The following HUNK variants were observed in gnomAD, a reference collection of about 807,000 sequenced individuals.
HUNK encodes the protein hormonally up-regulated Neu-associated kinase.
A neutral mutation model predicts 61.0 loss-of-function variants in HUNK; 21 were observed. That is an observed-to-expected ratio of 0.34 (90% CI 0.24 to 0.50). HUNK has a LOEUF of 0.50. Ranked by LOEUF, HUNK falls within the 20% of genes least tolerant of loss-of-function variation. The pLI, the probability that HUNK is intolerant of heterozygous loss-of-function variation, is 0.98. For missense variants in HUNK, 772 were observed against 945.7 expected (o/e 0.82, Z 2.41); for synonymous variants, 371 against 386.1 (o/e 0.96, Z 0.46).
intron 3 of HUNK, among the ~76,000 whole-genome samples, chr21:31,942,092 C>A (rs1290615960): frequency 6.6e-6 from 1 of 152,200 alleles, no homozygotes; most frequent in East Asian, 1.9e-4. Context: ...CGCCTATAAT[C>A]CCAGCTACTC....
intron 5 of HUNK, among the ~76,000 whole-genome samples, chr21:31,965,326 G>C (rs1008572080): frequency 6.4e-5 from 9 of 140,194 alleles, no homozygotes; most frequent in African/African-American, 2.4e-4. Context: ...AGAGAGAGGA[G>C]CAAAAAAAAA....
intron 1 of HUNK, among the ~76,000 whole-genome samples, chr21:31,906,006 T>C (rs1198093718): frequency 1.3e-5 from 2 of 151,992 alleles, no homozygotes; most frequent in Non-Finnish European, 2.9e-5. Context: ...TTCCTGGAGC[T>C]GCTGTGTCTC....
At chr21:31,943,111 A>G (rs558227047) in intron 3 of HUNK, among the ~76,000 whole-genome samples, 1 of 152,084 alleles carries the variant, frequency 6.6e-6, no homozygotes, top group African/African-American at 2.4e-5. Context: ...AAAGGTGATT[A>G]TAGCTATTAT....
intron 5 of HUNK, among the ~76,000 whole-genome samples, chr21:31,960,186 C>A (rs1294036575): frequency 6.6e-6 from 1 of 152,176 alleles, no homozygotes; most frequent in Non-Finnish European, 1.5e-5. Flanking sequence ...ATGTGTTGTG[C>A]ACCAATTATG....
chr21:31,898,560 C>G (rs116746869), intron 1 of HUNK, among the ~76,000 whole-genome samples: 4,371 of 152,272 alleles, frequency 0.029, 200 homozygotes, highest in African/African-American at 0.099. Context: ...AGCCACCACG[C>G]CCGGCCGTGG....
chr21:31,891,371 T>A (rs1226074951), intron 1 of HUNK, among the ~76,000 whole-genome samples: 1 of 152,210 alleles, frequency 6.6e-6, no homozygotes, highest in Non-Finnish European at 1.5e-5. Flanking sequence ...AGTGAGACTG[T>A]GTCTCAAACA....
In HUNK at chr21:32,001,550, C is replaced by T. The variant is rs2053246085; in HGVS notation, c.*2366C>T. On this transcript the variant is annotated 3_prime_UTR_variant, in exon 11 of 11. Transcript: ENST00000270112. Reference sequence around the variant, plus strand: ...GCTTCAAGAACAGCTGCACATGTGCCGCTAACTGACCGCGTTGCCATTGGC... The same window carrying T: ...GCTTCAAGAACAGCTGCACATGTGCTGCTAACTGACCGCGTTGCCATTGGC... 2 of 152,436 alleles carry T rather than the reference C, an allele frequency of 1.3e-5. No individual in the cohort carries two copies. The highest frequency in any genetic ancestry group is 2.4e-5 in the African/African-American group (1 of 41,348). The allele number at this position is 152,436 out of a possible 1,614,324, so 9.4% of individuals were successfully genotyped here. A position where few individuals can be genotyped will look rare whatever the true frequency, so the allele number is the denominator to read the frequency against.
At chr21:31,970,064 CAAG>C (rs1339490177) in intron 6 of HUNK, among the ~76,000 whole-genome samples, 3 of 152,046 alleles carry the variant, frequency 2.0e-5, no homozygotes, top group Non-Finnish European at 4.4e-5. Context: ...TGGATGAAGA[CAAG>C]AGAACCACTG....
intron 2 of HUNK, among the ~76,000 whole-genome samples, chr21:31,926,464 G>A (rs1049511034): frequency 2.2e-4 from 17 of 77,012 alleles, no homozygotes; most frequent in African/African-American, 2.0e-4. Flanking sequence ...ATTACCCCCC[G>A]CAAAAGAAAC....
chr21:31,878,275 AAAAG>A (rs1568914274), intron 1 of HUNK, among the ~76,000 whole-genome samples: 1 of 151,124 alleles, frequency 6.6e-6, no homozygotes, highest in African/African-American at 2.5e-5. Flanking sequence ...AAAAAAAAAA[AAAAG>A]AGTTTAAGAT....
chr21:31,943,885 T>C (rs1183575164), intron 3 of HUNK, among the ~76,000 whole-genome samples: 2 of 152,232 alleles, frequency 1.3e-5, no homozygotes, highest in Non-Finnish European at 2.9e-5. Flanking sequence ...CTCAGAAGTT[T>C]AGAGATAACA....
At chr21:31,995,621 G>C (rs1251004038) in intron 9 of HUNK, 147 bp from the exon 10 acceptor site, 5 of 706,174 alleles carry the variant, frequency 7.1e-6, no homozygotes, top group Non-Finnish European at 1.2e-5. Flanking sequence ...CTGGGCCACA[G>C]CTCCTCCCTC....
At chr21:31,876,580 C>T (rs140036928) in intron 1 of HUNK, among the ~76,000 whole-genome samples, 6 of 152,258 alleles carry the variant, frequency 3.9e-5, no homozygotes, top group Admixed American at 3.3e-4. Context: ...ATGACCACAG[C>T]CTCAGGCTAT....
At chr21:31,963,938 C>T (rs2052946112) in intron 5 of HUNK, among the ~76,000 whole-genome samples, 1 of 152,190 alleles carries the variant, frequency 6.6e-6, no homozygotes, top group Non-Finnish European at 1.5e-5. Context: ...CAAAGAACTG[C>T]CCTTCATTCA....
At chr21:31,983,144 T>G (rs1180336399) in intron 7 of HUNK, among the ~76,000 whole-genome samples, 1 of 152,220 alleles carries the variant, frequency 6.6e-6, no homozygotes, top group Non-Finnish European at 1.5e-5. Context: ...AGATCTATGT[T>G]CTATGCAGTG....
At position 31,950,908 on chromosome 21, in the gene HUNK, T is replaced by C. The variant is rs75194813; in HGVS notation, c.746+4737T>C. On this transcript the variant is annotated intron_variant, in intron 4 of 10. Transcript: ENST00000270112. Reference sequence around the variant, plus strand: ...CCCTGGAGGCTTTGGACCTGATGGATGGCAGAGACTTTATCCACAACTTCT... The same window carrying C: ...CCCTGGAGGCTTTGGACCTGATGGACGGCAGAGACTTTATCCACAACTTCT... Among the ~76,000 whole-genome samples, 598 of 152,220 alleles carry C rather than the reference T, an allele frequency of 3.9e-3. 23 individuals carry two copies. The East Asian group carries it at 0.091, about 23-fold the overall frequency.
chr21:32,003,739 TG>T lies in HUNK; in HGVS notation c.*4557del, dbSNP rs2053260533. 6.6e-6 allele frequency: 1 copy of T among 152,206 alleles called. No individual in the cohort carries two copies. The highest frequency in any genetic ancestry group is 1.5e-5 in the Non-Finnish European group (1 of 68,036). 9.4% of individuals were successfully genotyped at this position (152,206 alleles called of 1,614,324 possible). On this transcript the variant is annotated 3_prime_UTR_variant, in exon 11 of 11. Coordinates refer to ENST00000270112, the MANE Select transcript of HUNK (RefSeq NM_014586.2). ...GATATATATTTGTACTTCTTCTCTG[TG>T]GACATGTTTTTGTGACACACAGTTA...
chr21:31,960,444 G>A (rs931451024), intron 5 of HUNK, among the ~76,000 whole-genome samples: 1 of 151,486 alleles, frequency 6.6e-6, no homozygotes, highest in Non-Finnish European at 1.5e-5. Flanking sequence ...AATTGTAGAT[G>A]CACACACAAT....
At chr21:31,998,357 G>A (rs1023732091) in intron 10 of HUNK, among the ~76,000 whole-genome samples, 169 bp from the exon 11 acceptor site, 2 of 152,180 alleles carry the variant, frequency 1.3e-5, no homozygotes, top group Admixed American at 1.3e-4. Flanking sequence ...TGGGGAGAGT[G>A]ACATGCTGCT....
Sources: allele counts gnomAD v4.1 joint callset (sites outside exome capture counted in the v4.1 genomes callset), GRCh38; gene constraint gnomAD v4.1.1; transcripts MANE v1.5; gene names NCBI Gene and HGNC (gene_info 2026-07-23, HGNC 2026-07-21).